The following ABCG2 variants were observed in gnomAD, a reference collection of about 807,000 sequenced individuals.
ABCG2 encodes broad substrate specificity ATP-binding cassette transporter ABCG2.
In ABCG2, 80 loss-of-function variants were observed where a neutral mutation model predicts 73.5. The observed-to-expected ratio is 1.09, with a 90% CI of 0.91 to 1.31. ABCG2 has a LOEUF of 1.31. Among genes scored for constraint, ABCG2 ranks in the 50% most tolerant of loss-of-function variants. The pLI, the probability that ABCG2 is intolerant of heterozygous loss-of-function variation, is 0.00. For synonymous variants in ABCG2, 269 were observed against 282.4 expected, an observed-to-expected ratio of 0.95 and a Z score of 0.48; for missense variants, 796 against 786.2, an observed-to-expected ratio of 1.01 and a Z score of -0.15.
intron 1 of ABCG2, among the ~76,000 whole-genome samples, chr4:88,175,852 G>A (rs1168468563): frequency 1.3e-5 from 2 of 152,132 alleles, no homozygotes; most frequent in African/African-American, 4.8e-5. Flanking sequence ...TAGCATTTAG[G>A]AAGCATAATT....
At chr4:88,183,540 C>G (rs148953634) in intron 1 of ABCG2, among the ~76,000 whole-genome samples, 2,053 of 152,140 alleles carry the variant, frequency 0.013, 22 homozygotes, top group Non-Finnish European at 0.021. Context: ...TGTGAACAGA[C>G]TAATAACAAG....
chr4:88,175,359 T>G (rs1727914987), intron 1 of ABCG2, among the ~76,000 whole-genome samples: 1 of 152,244 alleles, frequency 6.6e-6, no homozygotes, highest in South Asian at 2.1e-4. Flanking sequence ...TGATGATTAT[T>G]ACTAGACCCA....
chr4:88,146,143 A>G (rs1408646973), intron 1 of ABCG2, among the ~76,000 whole-genome samples: 1 of 152,170 alleles, frequency 6.6e-6, no homozygotes, highest in African/African-American at 2.4e-5. Context: ...AGACTCATGG[A>G]TGACAAACCT....
intron 15 of ABCG2, among the ~76,000 whole-genome samples, chr4:88,093,046 T>A (rs1035990901): frequency 1.3e-5 from 2 of 152,174 alleles, no homozygotes; most frequent in African/African-American, 4.8e-5. Context: ...AAGCCTTAAG[T>A]GGCAGCTAGA....
At chr4:88,205,041 C>T (rs12511059) in intron 1 of ABCG2, among the ~76,000 whole-genome samples, 85,958 of 152,064 alleles carry the variant, frequency 0.57, 26,231 homozygotes, top group East Asian at 0.67. Context: ...CCAATTCTTA[C>T]TCTTGGCTTT....
intron 5 of ABCG2, among the ~76,000 whole-genome samples, chr4:88,125,787 T>C (rs534183995): frequency 1.3e-5 from 2 of 152,158 alleles, no homozygotes; most frequent in African/African-American, 4.8e-5. Context: ...AAGCAGTGTT[T>C]AGAGGGAAAT....
At chr4:88,131,782 T>A in intron 4 of ABCG2, 21 bp downstream of exon 4, 1 of 1,582,842 alleles carries the variant, frequency 6.3e-7, no homozygotes. Context: ...AAACAGAAAA[T>A]GCAAACCCAC....
chr4:88,191,585 G>C (rs1728696735), intron 1 of ABCG2, among the ~76,000 whole-genome samples: 1 of 43,312 alleles, frequency 2.3e-5, no homozygotes, highest in Admixed American at 2.5e-4. Flanking sequence ...TTTAACATAT[G>C]AATCAGCAAT....
chr4:88,113,609 C>CA, intron 8 of ABCG2, 56 bp from the exon 9 acceptor site: 1 of 1,579,850 alleles, frequency 6.3e-7, no homozygotes, highest in East Asian at 2.2e-5. Flanking sequence ...AAATTTAGCC[C>CA]ATTTTTTCTG....
rs1354375632 is a variant in ABCG2 at position 88,109,950 on chromosome 4, AT to A, written c.1195-2685del. Among the ~76,000 whole-genome samples the A allele has an allele frequency of 7.9e-5, 12 of 152,076 alleles. No homozygotes were observed. The South Asian group carries it at 2.3e-3, about 29-fold the overall frequency. ...TGAGCTAAGAATGGTTTTTTACTTT[AT>A]TTTTTATTATTTTTTAGAGACAAAG... On this transcript the variant is annotated intron_variant, in intron 9 of 15. Coordinates refer to ENST00000237612, the MANE Select transcript of ABCG2 (RefSeq NM_004827.3).
intron 9 of ABCG2, among the ~76,000 whole-genome samples, chr4:88,107,684 C>T (rs1722852222): frequency 6.6e-6 from 1 of 152,010 alleles, no homozygotes; most frequent in South Asian, 2.1e-4. Context: ...AACCTTTGTG[C>T]CAATGAACAT....
intron 1 of ABCG2, among the ~76,000 whole-genome samples, chr4:88,154,023 C>A (rs1043291614): frequency 5.3e-5 from 8 of 152,080 alleles, no homozygotes; most frequent in South Asian, 4.1e-4. Flanking sequence ...ATAGAATGGG[C>A]CTGTGAGGCT....
intron 1 of ABCG2, among the ~76,000 whole-genome samples, chr4:88,152,903 A>G (rs572607997): frequency 1.7e-4 from 26 of 152,198 alleles, no homozygotes; most frequent in South Asian, 1.2e-3. Context: ...AAGCTGAAGG[A>G]AGATTTTGTG....
chr4:88,134,046 G>A (rs1204972591), intron 2 of ABCG2, among the ~76,000 whole-genome samples: 1 of 151,662 alleles, frequency 6.6e-6, no homozygotes. Flanking sequence ...GTGGGGCCTG[G>A]CTTGTTCCTT....
chr4:88,115,232 G>GTC (rs201460174), intron 7 of ABCG2, among the ~76,000 whole-genome samples, 174 bp from the exon 8 acceptor site: 3 of 28,972 alleles, frequency 1.0e-4, no homozygotes, highest in African/African-American at 4.2e-4. Context: ...TATATATTCA[G>GTC]TCTCTCTCTC....
intron 9 of ABCG2, among the ~76,000 whole-genome samples, chr4:88,107,561 G>A (rs1722846221): frequency 6.6e-6 from 1 of 152,146 alleles, no homozygotes. Context: ...TCAGTTCAGG[G>A]TCTGCTTCAG....
chr4:88,154,034 G>A (rs934797260), intron 1 of ABCG2, among the ~76,000 whole-genome samples: 1 of 152,192 alleles, frequency 6.6e-6, no homozygotes, highest in Admixed American at 6.5e-5. Context: ...CTGTGAGGCT[G>A]GAAGGAGATA....
intron 7 of ABCG2, among the ~76,000 whole-genome samples, chr4:88,115,486 G>A (rs1413230651): frequency 6.7e-6 from 1 of 150,092 alleles, no homozygotes; most frequent in Non-Finnish European, 1.5e-5. Context: ...GCTTTGCCAT[G>A]TCGGCCAGGC....
At chr4:88,115,174 C>T in intron 7 of ABCG2, 116 bp from the exon 8 acceptor site, 3 of 589,768 alleles carry the variant, frequency 5.1e-6, no homozygotes, top group South Asian at 4.9e-5. Flanking sequence ...ATGACTTTTC[C>T]TTAACTTTCT....
Sources: allele counts gnomAD v4.1 joint callset (sites outside exome capture counted in the v4.1 genomes callset), GRCh38; gene constraint gnomAD v4.1.1; transcripts MANE v1.5; gene names NCBI Gene and HGNC (gene_info 2026-07-23, HGNC 2026-07-21).